ELP3: variants seen among roughly 807,000 people sequenced by gnomAD.
The protein encoded by ELP3 is elongator acetyltransferase complex subunit 3.
In ELP3, 56 loss-of-function variants were observed where a neutral mutation model predicts 74.9. The observed-to-expected ratio is 0.75, with a 90% CI of 0.60 to 0.93. The LOEUF (loss-of-function observed/expected upper bound fraction) is 0.93, where lower values mean the gene tolerates loss of function less well. Among genes scored for constraint, ELP3 ranks in the 40% least tolerant of loss-of-function variants. The pLI is 0.00. For synonymous variants in ELP3, 222 were observed against 239.8 expected, an observed-to-expected ratio of 0.93 and a Z score of 0.68; for missense variants, 573 against 686.5, an observed-to-expected ratio of 0.83 and a Z score of 1.85.
At chr8:28,180,304 C>T (rs373329585) in intron 14 of ELP3, among the ~76,000 whole-genome samples, 1 of 152,184 alleles carries the variant, frequency 6.6e-6, no homozygotes. Context: ...GTGTCTAATA[C>T]CCTCTTCCCC....
intron 10 of ELP3, among the ~76,000 whole-genome samples, chr8:28,146,828 G>A (rs572887548): frequency 7.9e-5 from 12 of 152,178 alleles, no homozygotes; most frequent in Non-Finnish European, 1.8e-4. Context: ...CTCGCAGCAC[G>A]ATACTACCAA....
At chr8:28,097,052 A>G (rs989112735) in intron 1 of ELP3, among the ~76,000 whole-genome samples, 167 bp from the exon 2 acceptor site, 10 of 152,344 alleles carry the variant, frequency 6.6e-5, no homozygotes, top group Admixed American at 5.9e-4. Flanking sequence ...TTAAAGATAC[A>G]AAAGATATGA....
intron 14 of ELP3, among the ~76,000 whole-genome samples, chr8:28,172,577 G>A (rs1814572247): frequency 6.6e-6 from 1 of 151,926 alleles, no homozygotes. Context: ...CTACATATAA[G>A]GTCATGTCAT....
intron 12 of ELP3, among the ~76,000 whole-genome samples, chr8:28,159,434 A>T (rs747323549): frequency 2.6e-5 from 4 of 152,212 alleles, no homozygotes; most frequent in Admixed American, 6.5e-5. Flanking sequence ...TTGAGAAGGA[A>T]TATGTGTTAG....
chr8:28,093,531 G>A, intron 1 of ELP3: 1 of 486,546 alleles, frequency 2.1e-6, no homozygotes, highest in Non-Finnish European at 3.7e-6. Flanking sequence ...CGATTTAACG[G>A]GTTGTAGGAC....
At chr8:28,146,361 A>G (rs1258340301) in intron 10 of ELP3, among the ~76,000 whole-genome samples, 2 of 152,206 alleles carry the variant, frequency 1.3e-5, no homozygotes, top group Non-Finnish European at 2.9e-5. Context: ...CAACCCAAGC[A>G]TGTTTCTGAA....
chr8:28,176,867 C>T (rs1474149020), intron 14 of ELP3, among the ~76,000 whole-genome samples: 1 of 152,066 alleles, frequency 6.6e-6, no homozygotes, highest in Non-Finnish European at 1.5e-5. Flanking sequence ...GAAACAGAGA[C>T]CCTCTATTTT....
chr8:28,157,998 TTTCCTTCCTTCC>T (rs796269743), intron 11 of ELP3, among the ~76,000 whole-genome samples: 1 of 149,696 alleles, frequency 6.7e-6, no homozygotes, highest in Non-Finnish European at 1.5e-5. Context: ...TCCTTCCTTC[TTTCCTTCCTTCC>T]TTCCTTCCTC....
Position 28,111,557 on chromosome 8 carries a change from G to A in ELP3, c.462+1119G>A, listed in dbSNP as rs534316755. 6.6e-5 allele frequency among the ~76,000 whole-genome samples: 10 copies of A among 152,316 alleles called. No individual in the cohort carries two copies. In the South Asian group the frequency reaches 1.2e-3, roughly 19 times the overall value. ...ATATCCACTTTGCTGTCACCCAAGCGTATGAGGAACAGGATTGTCGGTGAC... is the reference window on the plus strand; with the variant it reads ...ATATCCACTTTGCTGTCACCCAAGCATATGAGGAACAGGATTGTCGGTGAC... On this transcript the variant is annotated intron_variant, in intron 6 of 14. Transcript: ENST00000256398.
intron 7 of ELP3, among the ~76,000 whole-genome samples, chr8:28,128,428 A>G (rs775348589): frequency 3.3e-5 from 5 of 152,126 alleles, no homozygotes; most frequent in Non-Finnish European, 5.9e-5. Flanking sequence ...GTGAGCCAAG[A>G]TCGCGCCACT....
chr8:28,118,956 T>C (rs1222761133), intron 7 of ELP3: 1 of 150,262 alleles, frequency 6.7e-6, no homozygotes, highest in Non-Finnish European at 1.5e-5. Flanking sequence ...GCTGAAGTGC[T>C]AGGTAATGCT....
intron 3 of ELP3, among the ~76,000 whole-genome samples, chr8:28,103,742 A>G (rs777850622): frequency 6.6e-6 from 1 of 152,068 alleles, no homozygotes; most frequent in Non-Finnish European, 1.5e-5. Context: ...TAATTAATTT[A>G]TTTATTTTAA....
rs1812750591 is a variant in ELP3 at position 28,130,572 on chromosome 8, G to A, written c.779+909G>A. Among the ~76,000 whole-genome samples, 9 of 152,218 alleles carry A rather than the reference G, an allele frequency of 5.9e-5. No homozygotes were observed. In the South Asian group the frequency reaches 1.9e-3, roughly 32 times the overall value. On this transcript the variant is annotated intron_variant, in intron 8 of 14. Transcript: ENST00000256398. The stretch of plus-strand genomic sequence containing the variant: ...ATGGATATCATGTTTAATTAAGAAA[G>A]AGTAACCGAATAGGATGCTCTTATG...
At chr8:28,123,095 G>A (rs745917907) in intron 7 of ELP3, among the ~76,000 whole-genome samples, 13 of 152,164 alleles carry the variant, frequency 8.5e-5, no homozygotes, top group Non-Finnish European at 1.8e-4. Flanking sequence ...CTGCCCTCCA[G>A]GCTGGATAAC....
At chr8:28,107,581 G>C (rs1207478469) in intron 4 of ELP3, among the ~76,000 whole-genome samples, 2 of 152,234 alleles carry the variant, frequency 1.3e-5, no homozygotes, top group Non-Finnish European at 2.9e-5. Flanking sequence ...AGATTTTCTT[G>C]AGTGTGGTTC....
Position 28,189,773 on chromosome 8 carries a change from G to A in ELP3, c.*48G>A, listed in dbSNP as rs1335990472. On this transcript the variant is annotated 3_prime_UTR_variant, in exon 15 of 15. Transcript: ENST00000256398. Reference sequence around the variant, plus strand: ...TGCAGTATCCTCCCTGGCAGAACACGGAGAATCAGGATTTCTTAAATACTC... The same window carrying A: ...TGCAGTATCCTCCCTGGCAGAACACAGAGAATCAGGATTTCTTAAATACTC... 1.1e-5 allele frequency: 18 copies of A among 1,569,780 alleles called. No homozygotes were observed. The highest frequency in any genetic ancestry group is 4.4e-5 in the South Asian group (4 of 90,086).
chr8:28,093,186 T>G lies in ELP3; in HGVS notation c.-29T>G, dbSNP rs1326018189. 5 of 1,611,814 alleles carry G rather than the reference T, an allele frequency of 3.1e-6. No homozygotes were observed. Among genetic ancestry groups the G allele is most frequent in the Non-Finnish European group, 4.2e-6 (5 of 1,179,596 alleles). On this transcript the variant is annotated 5_prime_UTR_variant, in exon 1 of 15. Coordinates refer to ENST00000256398, the MANE Select transcript of ELP3 (RefSeq NM_018091.6). ...CTGAGTTTGTGGCTGCATTTTTATC[T>G]CTGGTGGCTCTGCTACGGCGGCGCA...
intron 14 of ELP3, among the ~76,000 whole-genome samples, chr8:28,175,230 C>G (rs367819050): frequency 3.9e-5 from 6 of 151,994 alleles, no homozygotes; most frequent in South Asian, 4.2e-4. Context: ...TTTTTTCTAC[C>G]CTTTATGTCT....
intron 6 of ELP3, 178 bp downstream of exon 6, chr8:28,110,616 C>T (rs1811879905): frequency 3.6e-6 from 2 of 562,944 alleles, no homozygotes; most frequent in Non-Finnish European, 6.2e-6. Flanking sequence ...AGGTCAAAAA[C>T]ACTACTTTCT....
Sources: allele counts gnomAD v4.1 joint callset (sites outside exome capture counted in the v4.1 genomes callset), GRCh38; gene constraint gnomAD v4.1.1; transcripts MANE v1.5; gene names NCBI Gene and HGNC (gene_info 2026-07-23, HGNC 2026-07-21).